Variants in YIPF7 observed in about 807,000 individuals in gnomAD.
YIPF7 encodes the protein protein YIPF7.
Under a neutral mutation model 27.2 loss-of-function variants are expected in YIPF7, and 35 were observed. The observed-to-expected ratio is 1.29, with a 90% CI of 0.98 to 1.70. YIPF7 has a LOEUF of 1.70. YIPF7 is among the 40% of genes most tolerant of loss of function. The probability of loss-of-function intolerance (pLI) is 0.00; values close to 1 mark genes in which losing one functional copy is unlikely to be tolerated. For missense variants in YIPF7, 358 were observed against 303.7 expected, an observed-to-expected ratio of 1.18 and a Z score of -1.33; for synonymous variants, 137 against 110.4, an observed-to-expected ratio of 1.24 and a Z score of -1.51.
At position 44,629,414 on chromosome 4, in the gene YIPF7, T is replaced by C; in HGVS notation, c.415A>G (p.Thr139Ala). Residue 139 changes from threonine (T) to alanine (A), a missense_variant, in exon 4 of 6, where the codon ACC (threonine) becomes GCC (alanine). Transcript: ENST00000415895. ...CTGTGACACATTACCAGAAGCAAGG[T>C]GGCTCCCAGGGCTACGCAAAAAAGA... ...PILFCVALGA[T>A]LLLAGKVQFG... 6.3e-7 allele frequency: 1 copy of C among 1,590,286 alleles called. No homozygotes were observed. The highest frequency in any genetic ancestry group is 8.6e-7 in the Non-Finnish European group (1 of 1,169,262).
chr4:44,627,863 A>C (rs77879974), intron 4 of YIPF7, among the ~76,000 whole-genome samples: 7,791 of 152,234 alleles, frequency 0.051, 260 homozygotes, highest in East Asian at 0.15. Flanking sequence ...CTTCCAGTTA[A>C]GAATTTTTTG....
intron 3 of YIPF7, among the ~76,000 whole-genome samples, chr4:44,632,773 G>A (rs1010087130): frequency 1.3e-5 from 2 of 152,070 alleles, no homozygotes; most frequent in Non-Finnish European, 2.9e-5. Context: ...AAAGAGGCTT[G>A]AGGCTTTCAC....
chr4:44,626,763 CTTTTTTTTTTT>C (rs71190269), intron 4 of YIPF7, among the ~76,000 whole-genome samples: 3 of 69,766 alleles, frequency 4.3e-5, no homozygotes, highest in Non-Finnish European at 7.3e-5. Flanking sequence ...ATTAGCACAT[CTTTTTTTTTTT>C]TTTTTTTTTT....
chr4:44,646,595 G>T (rs1713533286), intron 2 of YIPF7, among the ~76,000 whole-genome samples: 1 of 152,104 alleles, frequency 6.6e-6, no homozygotes, highest in African/African-American at 2.4e-5. Context: ...TAGATGGTTG[G>T]AAATTATCCC....
chr4:44,654,533 T>C (rs1713832104), upstream of YIPF7, among the ~76,000 whole-genome samples: 2 of 151,926 alleles, frequency 1.3e-5, no homozygotes, highest in Admixed American at 6.6e-5. Flanking sequence ...TCTATTCCCA[T>C]GGCTTTATAT....
chr4:44,634,710 T>C (rs1713045477), intron 3 of YIPF7, among the ~76,000 whole-genome samples: 1 of 152,006 alleles, frequency 6.6e-6, no homozygotes, highest in Non-Finnish European at 1.5e-5. Context: ...TAGAAGAAAA[T>C]ACATCAAATT....
chr4:44,622,282 G>T lies in YIPF7; in HGVS notation c.*132C>A. On this transcript the variant is annotated 3_prime_UTR_variant, in exon 6 of 6. Coordinates refer to ENST00000415895, the MANE Select transcript of YIPF7 (RefSeq NM_182592.3). Reference sequence around the variant, plus strand: ...TATTAGAGCACCACCCTTAAGTGCTGCTTTGTCTCTCTGCTTATTACTCTC... The same window carrying T: ...TATTAGAGCACCACCCTTAAGTGCTTCTTTGTCTCTCTGCTTATTACTCTC... The T allele has an allele frequency of 8.5e-7, 1 of 1,181,288 alleles. No individual in the cohort carries two copies. The highest frequency in any genetic ancestry group is 1.2e-6 in the Non-Finnish European group (1 of 852,710). The allele number at this position is 1,181,288 out of a possible 1,614,324, so 73.2% of individuals were successfully genotyped here. A position where few individuals can be genotyped will look rare whatever the true frequency, so the allele number is the denominator to read the frequency against.
intron 2 of YIPF7, among the ~76,000 whole-genome samples, chr4:44,638,081 G>A (rs114126846): frequency 0.014 from 2,180 of 151,800 alleles, 46 homozygotes; most frequent in African/African-American, 0.05. Flanking sequence ...GCCAAGAAAC[G>A]TGAAAAAATG....
intron 1 of YIPF7, among the ~76,000 whole-genome samples, chr4:44,662,076 C>A (rs1714053096): frequency 6.6e-6 from 1 of 152,178 alleles, no homozygotes; most frequent in Non-Finnish European, 1.5e-5. Context: ...ATTATACCAA[C>A]TGTTGTGCTG....
chr4:44,639,206 GT>G (rs1213110089), intron 2 of YIPF7, among the ~76,000 whole-genome samples: 1 of 151,942 alleles, frequency 6.6e-6, no homozygotes, highest in Non-Finnish European at 1.5e-5. Flanking sequence ...TTTTAGGATA[GT>G]TTTTTTCTAA....
intron 2 of YIPF7, among the ~76,000 whole-genome samples, chr4:44,637,334 T>C (rs1292251723): frequency 6.6e-6 from 1 of 152,226 alleles, no homozygotes; most frequent in Non-Finnish European, 1.5e-5. Flanking sequence ...CTGTTTTCCA[T>C]AGAGGCTAAT....
chr4:44,636,254 T>G (rs1713117097), intron 2 of YIPF7, among the ~76,000 whole-genome samples, 169 bp from the exon 3 acceptor site: 1 of 152,184 alleles, frequency 6.6e-6, no homozygotes, highest in African/African-American at 2.4e-5. Context: ...GTAAAATAAC[T>G]GGTCATCTAA....
chr4:44,648,513 A>G (rs1032851373), intron 2 of YIPF7, among the ~76,000 whole-genome samples: 10 of 152,140 alleles, frequency 6.6e-5, no homozygotes, highest in Admixed American at 5.9e-4. Context: ...TTCCTAACAT[A>G]TAATAAAAAC....
intron 4 of YIPF7, 119 bp from the exon 5 acceptor site, chr4:44,624,901 G>T: frequency 1.1e-6 from 1 of 920,744 alleles, no homozygotes; most frequent in Non-Finnish European, 1.6e-6. Flanking sequence ...GTCTTTGTAG[G>T]ACTGTCATCA....
upstream of YIPF7, among the ~76,000 whole-genome samples, chr4:44,651,868 A>T (rs1376915610): frequency 6.6e-6 from 1 of 152,226 alleles, no homozygotes; most frequent in East Asian, 1.9e-4. Flanking sequence ...CTGAGGTAAG[A>T]TCATTTATTT....
intron 2 of YIPF7, among the ~76,000 whole-genome samples, chr4:44,659,577 C>T (rs1007810487): frequency 1.4e-4 from 22 of 151,966 alleles, no homozygotes; most frequent in Non-Finnish European, 2.9e-4. Context: ...TAATTTTAAA[C>T]TAAAATAAGA....
intron 1 of YIPF7, among the ~76,000 whole-genome samples, chr4:44,660,820 G>C (rs1304569707): frequency 6.6e-6 from 1 of 152,186 alleles, no homozygotes; most frequent in East Asian, 1.9e-4. Context: ...AGGGTCCCAG[G>C]CTTAGGATTT....
At chr4:44,641,986 A>AT (rs1431909729) in intron 2 of YIPF7, among the ~76,000 whole-genome samples, 1 of 152,074 alleles carries the variant, frequency 6.6e-6, no homozygotes, top group Non-Finnish European at 1.5e-5. Context: ...CCCAATACCT[A>AT]TTTTTTTAAT....
At chr4:44,626,431 C>T (rs1037907118) in intron 4 of YIPF7, among the ~76,000 whole-genome samples, 2 of 152,144 alleles carry the variant, frequency 1.3e-5, no homozygotes, top group African/African-American at 2.4e-5. Flanking sequence ...TGGTATAGGA[C>T]AACTCTCTTA....
Sources: allele counts gnomAD v4.1 joint callset (sites outside exome capture counted in the v4.1 genomes callset), GRCh38; gene constraint gnomAD v4.1.1; transcripts MANE v1.5; gene names NCBI Gene and HGNC (gene_info 2026-07-23, HGNC 2026-07-21).